RIMS2: variants seen among roughly 807,000 people sequenced by gnomAD.
RIMS2 encodes regulating synaptic membrane exocytosis 2.
Under a neutral mutation model 174.4 loss-of-function variants are expected in RIMS2, and 59 were observed. The observed-to-expected ratio is 0.34, with a 90% CI of 0.27 to 0.42. The LOEUF (loss-of-function observed/expected upper bound fraction) is 0.42, where lower values mean the gene tolerates loss of function less well. Ranked by LOEUF, RIMS2 falls within the 10% of genes least tolerant of loss-of-function variation. The probability of loss-of-function intolerance (pLI) is 1.00; values close to 1 mark genes in which losing one functional copy is unlikely to be tolerated. For missense variants in RIMS2, 1,620 were observed against 1,666.3 expected (o/e 0.97, Z 0.48); for synonymous variants, 606 against 572.5 (o/e 1.06, Z -0.84).
chr8:103,674,033 C>T (rs1030508928), intron 1 of RIMS2, among the ~76,000 whole-genome samples: 3 of 152,214 alleles, frequency 2.0e-5, no homozygotes, highest in Non-Finnish European at 2.9e-5. Flanking sequence ...GTTCAGACTT[C>T]CACAGGTCCC....
At chr8:103,640,999 AT>A (rs370640049) in intron 1 of RIMS2, among the ~76,000 whole-genome samples, 44 of 152,220 alleles carry the variant, frequency 2.9e-4, no homozygotes, top group African/African-American at 9.4e-4. Flanking sequence ...AGATGTATCA[AT>A]TTTTGCCTCC....
At chr8:103,533,679 AAAAG>A (rs1838427618) in intron 1 of RIMS2, among the ~76,000 whole-genome samples, 3 of 119,222 alleles carry the variant, frequency 2.5e-5, no homozygotes, top group Non-Finnish European at 5.7e-5. Flanking sequence ...AAAAAAAAAA[AAAAG>A]AAAAAGAAAA....
At chr8:104,178,249 G>C (rs537754052) in intron 19 of RIMS2, among the ~76,000 whole-genome samples, 325 of 152,136 alleles carry the variant, frequency 2.1e-3, no homozygotes, top group Non-Finnish European at 2.9e-3. Context: ...TTAGGTTGTT[G>C]GCAGAATTTC....
intron 19 of RIMS2, among the ~76,000 whole-genome samples, chr8:104,238,466 TA>T (rs958396642): frequency 2.8e-3 from 389 of 140,262 alleles, no homozygotes; most frequent in Non-Finnish European, 2.6e-3. Context: ...AAAGTAAAAT[TA>T]AAAAAAAAAA....
intron 19 of RIMS2, among the ~76,000 whole-genome samples, chr8:104,084,568 G>T (rs1018885538): frequency 6.6e-5 from 10 of 151,088 alleles, no homozygotes; most frequent in African/African-American, 2.4e-4. Context: ...ATGCCCTTTC[G>T]TTTTTTGTTT....
At chr8:103,877,915 A>G (rs531191871) in intron 3 of RIMS2, among the ~76,000 whole-genome samples, 7 of 151,388 alleles carry the variant, frequency 4.6e-5, no homozygotes, top group African/African-American at 1.7e-4. Flanking sequence ...ACTTTCATCA[A>G]TGTTTTGTAG....
At chr8:103,873,861 A>AAG (rs2099123591) in intron 3 of RIMS2, among the ~76,000 whole-genome samples, 1 of 152,116 alleles carries the variant, frequency 6.6e-6, no homozygotes, top group African/African-American at 2.4e-5. Flanking sequence ...GACAGCTGAT[A>AAG]AGAAAGCAAC....
At chr8:103,822,236 A>G (rs1379005136) in intron 3 of RIMS2, among the ~76,000 whole-genome samples, 1 of 151,748 alleles carries the variant, frequency 6.6e-6, no homozygotes. Context: ...TTTGTTCGGT[A>G]GCTAATCTTA....
intron 19 of RIMS2, among the ~76,000 whole-genome samples, chr8:104,159,782 T>TTAAC (rs1426229776): frequency 2.6e-5 from 4 of 151,976 alleles, no homozygotes; most frequent in Non-Finnish European, 4.4e-5. Flanking sequence ...TTCCAGGGGG[T>TTAAC]TTTTGTTGAG....
At chr8:104,018,709 C>A (rs1205073713) in intron 19 of RIMS2, among the ~76,000 whole-genome samples, 1 of 152,002 alleles carries the variant, frequency 6.6e-6, no homozygotes, top group African/African-American at 2.4e-5. Context: ...GATTTTGAAT[C>A]TAGTAGAAGC....
At chr8:104,006,298 C>T (rs1416808515) in intron 17 of RIMS2, among the ~76,000 whole-genome samples, 1 of 152,004 alleles carries the variant, frequency 6.6e-6, no homozygotes, top group African/African-American at 2.4e-5. Context: ...GCCTGTAATC[C>T]CAGCACTTTG....
chr8:103,685,007 ATTATAT>A (rs1421748459), intron 1 of RIMS2, among the ~76,000 whole-genome samples: 1 of 151,952 alleles, frequency 6.6e-6, no homozygotes, highest in Non-Finnish European at 1.5e-5. Context: ...AGTTTTAGCC[ATTATAT>A]TTAGTTTTAT....
chr8:103,991,790 G>A (rs2094717144), intron 17 of RIMS2, among the ~76,000 whole-genome samples: 1 of 152,078 alleles, frequency 6.6e-6, no homozygotes, highest in African/African-American at 2.4e-5. Flanking sequence ...GATTTTGAAT[G>A]CAGGATTTAA....
intron 19 of RIMS2, among the ~76,000 whole-genome samples, chr8:104,137,369 C>T (rs2098529751): frequency 3.3e-5 from 5 of 152,068 alleles, no homozygotes; most frequent in Admixed American, 2.6e-4. Context: ...GAGGTTGCTT[C>T]GTTAATTCAT....
intron 1 of RIMS2, among the ~76,000 whole-genome samples, chr8:103,596,281 A>C (rs957426029): frequency 6.6e-6 from 1 of 152,104 alleles, no homozygotes; most frequent in Non-Finnish European, 1.5e-5. Flanking sequence ...TTTAACCATA[A>C]ATAATACTTT....
intron 1 of RIMS2, among the ~76,000 whole-genome samples, chr8:103,593,533 A>G (rs879293340): frequency 6.6e-6 from 1 of 151,444 alleles, no homozygotes; most frequent in Non-Finnish European, 1.5e-5. Context: ...ATTATTAAAT[A>G]TTCTTTCCTT....
At chr8:103,540,448 C>T (rs1479536375) in intron 1 of RIMS2, among the ~76,000 whole-genome samples, 1 of 152,174 alleles carries the variant, frequency 6.6e-6, no homozygotes, top group Admixed American at 6.5e-5. Flanking sequence ...TAGCGGCACC[C>T]TCACTGGTGC....
At chr8:103,734,096 T>C (rs1403732528) in intron 2 of RIMS2, among the ~76,000 whole-genome samples, 3 of 134,968 alleles carry the variant, frequency 2.2e-5, no homozygotes, top group Non-Finnish European at 4.6e-5. Context: ...CACTGCAACC[T>C]CCGCCTCCTG....
downstream of RIMS2, chr8:104,251,983 T>C: frequency 1.6e-6 from 1 of 609,626 alleles, no homozygotes; most frequent in Non-Finnish European, 2.9e-6. Context: ...GTTGCACACA[T>C]TGTGCCCTAA....
Sources: allele counts gnomAD v4.1 joint callset (sites outside exome capture counted in the v4.1 genomes callset), GRCh38; gene constraint gnomAD v4.1.1; transcripts MANE v1.5; gene names NCBI Gene and HGNC (gene_info 2026-07-23, HGNC 2026-07-21).